Variants in ARMC9 observed in about 807,000 individuals in gnomAD.
The protein encoded by ARMC9 is armadillo repeat containing 9, also known as lisH domain-containing protein ARMC9.
In ARMC9, 94 loss-of-function variants were observed where a neutral mutation model predicts 107.0. That is an observed-to-expected ratio of 0.88 (90% CI 0.74 to 1.04). The LOEUF is 1.04. ARMC9 is among the 50% of genes least tolerant of loss of function. The pLI, the probability that ARMC9 is intolerant of heterozygous loss-of-function variation, is 0.00. For synonymous variants in ARMC9, 380 were observed against 396.9 expected, an observed-to-expected ratio of 0.96 and a Z score of 0.51; for missense variants, 942 against 1,030.1, an observed-to-expected ratio of 0.91 and a Z score of 1.17.
chr2:231,216,703 C>G lies in ARMC9; in HGVS notation c.414C>G (p.Ala138=). 1 of 1,613,970 alleles carries G rather than the reference C, an allele frequency of 6.2e-7. No individual in the cohort carries two copies. The highest frequency in any genetic ancestry group is 8.5e-7 in the Non-Finnish European group (1 of 1,179,868). Residue 138 remains alanine, a synonymous_variant, in exon 5 of 25, where the codon GCC becomes GCG. Transcript: ENST00000611582. The part of the protein sequence containing the change: ...FKTYLETKGA[A]LSQTTEFLPF... ...CCTACCTGGAGACCAAAGGGGCAGC[C>G]TTGAGCCAGACCACAGAGTTTCTTC...
At chr2:231,240,618 G>T (rs1239954826) in intron 9 of ARMC9, among the ~76,000 whole-genome samples, 1 of 152,162 alleles carries the variant, frequency 6.6e-6, no homozygotes, top group Non-Finnish European at 1.5e-5. Flanking sequence ...ACTTCAGTGT[G>T]TATTTCTTAA....
At position 231,231,948 on chromosome 2, in the gene ARMC9, C is replaced by T. The variant is rs185495898; in HGVS notation, c.623-3276C>T. Among the ~76,000 whole-genome samples the T allele has an allele frequency of 5.3e-3, 804 of 151,922 alleles. 11 individuals carry two copies. The highest frequency in any genetic ancestry group is 0.018 in the African/African-American group (743 of 41,442). Reference sequence around the variant, plus strand: ...AGGTGATCTGCCTGCCTTGGCCTCCCAAAATGCTGGGATTACAGGCGTGAG... The same window carrying T: ...AGGTGATCTGCCTGCCTTGGCCTCCTAAAATGCTGGGATTACAGGCGTGAG... On this transcript the variant is annotated intron_variant, in intron 7 of 24. Coordinates refer to ENST00000611582, the MANE Select transcript of ARMC9 (RefSeq NM_001352754.2).
rs924466818 is a variant in ARMC9, at chr2:231,353,579, C to T, written c.1995-2219C>T. 1.5e-4 allele frequency among the ~76,000 whole-genome samples: 22 copies of T among 150,662 alleles called. 2 individuals carry two copies. The highest frequency in any genetic ancestry group is 2.4e-4 in the Non-Finnish European group (16 of 68,024). On this transcript the variant is annotated intron_variant, in intron 21 of 24. Coordinates refer to ENST00000611582, the MANE Select transcript of ARMC9 (RefSeq NM_001352754.2). ...GGATCTGCAGCAAAGTCCCCTGCTT[C>T]AGGGCATGGCATGAGTGCCCGCAAA...
chr2:231,248,988 CCACG>C (rs1469027287), intron 9 of ARMC9, among the ~76,000 whole-genome samples: 7 of 152,216 alleles, frequency 4.6e-5, no homozygotes, highest in Middle Eastern at 3.4e-3. Context: ...CATTCCTTAC[CCACG>C]TGCATCCTGC....
Position 231,362,449 on chromosome 2 carries a change from C to CT in ARMC9, c.2261+1567dup, listed in dbSNP as rs151211300. On this transcript the variant is annotated intron_variant, in intron 23 of 24. Coordinates refer to ENST00000611582, the MANE Select transcript of ARMC9 (RefSeq NM_001352754.2). The surrounding 1 kb of genome is among the most constrained non-coding windows in gnomAD (Gnocchi z 4.7). Reference sequence around the variant, plus strand: ...GACAGCCCTCTCTCCCCAGAAATAACTGTTTTCACAGTAGGTAGGCAGCCG... The same window carrying CT: ...GACAGCCCTCTCTCCCCAGAAATAACTTGTTTTCACAGTAGGTAGGCAGCCG... 0.01 allele frequency among the ~76,000 whole-genome samples: 1,591 copies of CT among 152,176 alleles called. 32 individuals carry two copies. Among genetic ancestry groups the CT allele is most frequent in the African/African-American group, 0.037 (1,519 of 41,516 alleles).
In ARMC9 at chr2:231,373,681, T is replaced by G. The variant is rs887165336; in HGVS notation, c.*2146T>G. 2 of 152,066 alleles carry G rather than the reference T, an allele frequency of 1.3e-5. No homozygotes were observed. The highest frequency in any genetic ancestry group is 4.8e-5 in the African/African-American group (2 of 41,390). 9.4% of individuals were successfully genotyped at this position (152,066 alleles called of 1,614,324 possible). On this transcript the variant is annotated 3_prime_UTR_variant, in exon 25 of 25. Transcript: ENST00000611582. The surrounding 1 kb of genome is among the most constrained non-coding windows in gnomAD (Gnocchi z 4.4). ...TGGGAGGCCGAGGCGGATGGATCAC[T>G]TGAGGCCTCCAGGAGTTCGAGACCA...
At chr2:231,367,000 G>A (rs376121332) in intron 23 of ARMC9, among the ~76,000 whole-genome samples, 8 of 149,956 alleles carry the variant, frequency 5.3e-5, no homozygotes, top group African/African-American at 1.5e-4. Flanking sequence ...ACAGGCGCCC[G>A]CCACCACGCC....
At chr2:231,226,864 T>C in intron 7 of ARMC9, 66 bp downstream of exon 7, 1 of 1,530,730 alleles carries the variant, frequency 6.5e-7, no homozygotes, top group Non-Finnish European at 9.1e-7. Context: ...AGTAGTAAGA[T>C]CGGTGCAAAG....
chr2:231,205,630 A>G (rs2031862467), intron 1 of ARMC9, among the ~76,000 whole-genome samples: 1 of 152,184 alleles, frequency 6.6e-6, no homozygotes, highest in Admixed American at 6.5e-5. Context: ...GACTTTAGCC[A>G]TTGTATTTCC....
At chr2:231,345,973 A>G (rs2044795628) in intron 21 of ARMC9, among the ~76,000 whole-genome samples, 1 of 152,226 alleles carries the variant, frequency 6.6e-6, no homozygotes, top group African/African-American at 2.4e-5. Context: ...CACGGACACC[A>G]GGGACACCAG....
At chr2:231,332,658 G>A (rs1405406489) in intron 20 of ARMC9, among the ~76,000 whole-genome samples, 4 of 152,178 alleles carry the variant, frequency 2.6e-5, no homozygotes, top group African/African-American at 4.8e-5. Context: ...CACTCCTCAG[G>A]AGAGGATAGC....
Position 231,214,905 on chromosome 2 carries a change from T to C in ARMC9, c.252T>C (p.Ser84=), listed in dbSNP as rs757738626. The change falls in exon 4 of 25, where the codon AGT becomes AGC. Residue 84 remains serine (S), a synonymous_variant. Transcript: ENST00000611582. ...ATCTGTGGGAGGAGCACATTTCAAG[T>C]TCCATCCGAGATGGGGACTCCTTTG... ...FFDLWEEHIS[S]SIRDGDSFAQ... 5.6e-6 allele frequency: 9 copies of C among 1,614,038 alleles called. 1 individual carries two copies. In the African/African-American group the frequency reaches 1.2e-4, roughly 22 times the overall value.
Position 231,256,588 on chromosome 2 carries a change from A to T in ARMC9, c.882A>T (p.Ala294=), listed in dbSNP as rs755801320. 1 of 1,613,978 alleles carries T rather than the reference A, an allele frequency of 6.2e-7. No individual in the cohort carries two copies. Among genetic ancestry groups the T allele is most frequent in the Non-Finnish European group, 8.5e-7 (1 of 1,179,964 alleles). ...HSVDFTRPGT[A]STMLRASLAP... ...TTCTTCTGTCCTCTTCCCCCCAGGCATCCACCATGTTACGAGCCTCCTTGG... is the reference window on the plus strand; with the variant it reads ...TTCTTCTGTCCTCTTCCCCCCAGGCTTCCACCATGTTACGAGCCTCCTTGG... Residue 294 remains alanine (A), a splice_region_variant and synonymous_variant, in exon 10 of 25, where the codon GCA becomes GCT. Coordinates refer to ENST00000611582, the MANE Select transcript of ARMC9 (RefSeq NM_001352754.2).
chr2:231,253,338 C>G (rs2037473657), intron 9 of ARMC9, among the ~76,000 whole-genome samples: 1 of 152,118 alleles, frequency 6.6e-6, no homozygotes, highest in Non-Finnish European at 1.5e-5. Context: ...TGGTCTTGAA[C>G]TCCTGACCTC....
At chr2:231,215,726 A>G (rs531938551) in intron 4 of ARMC9, among the ~76,000 whole-genome samples, 9 of 152,328 alleles carry the variant, frequency 5.9e-5, no homozygotes, top group South Asian at 2.1e-4. Flanking sequence ...TGACTGCCCT[A>G]TGGACCAAGG....
chr2:231,219,126 C>T (rs1350545738), intron 5 of ARMC9, among the ~76,000 whole-genome samples: 1 of 146,670 alleles, frequency 6.8e-6, no homozygotes, highest in Non-Finnish European at 1.5e-5. Flanking sequence ...TCATTCATCC[C>T]CTTCACAATT....
chr2:231,345,634 C>CT (rs1444567522), intron 21 of ARMC9, among the ~76,000 whole-genome samples: 1 of 152,140 alleles, frequency 6.6e-6, no homozygotes, highest in Non-Finnish European at 1.5e-5. Flanking sequence ...GCCTAGACCC[C>CT]TTGTGGGCTA....
At chr2:231,198,978 C>G (rs976909051) in intron 1 of ARMC9, 12 of 152,364 alleles carry the variant, frequency 7.9e-5, no homozygotes, top group African/African-American at 2.9e-4. Context: ...GTGGGCCATA[C>G]TTGGAGGGGG....
At chr2:231,371,083 G>A (rs1014861061) in intron 24 of ARMC9, 3 of 463,572 alleles carry the variant, frequency 6.5e-6, no homozygotes, top group Non-Finnish European at 1.3e-5. Context: ...CGCAGCCCAG[G>A]TCAGGCGCAG....
Sources: allele counts gnomAD v4.1 joint callset (sites outside exome capture counted in the v4.1 genomes callset), GRCh38; gene constraint gnomAD v4.1.1; non-coding constraint Gnocchi (gnomAD v3.1); transcripts MANE v1.5; gene names NCBI Gene and HGNC (gene_info 2026-07-23, HGNC 2026-07-21).